PLCB1: variants seen among roughly 807,000 people sequenced by gnomAD.
The protein encoded by PLCB1 is phospholipase C beta 1, also known as 1-phosphatidylinositol 4,5-bisphosphate phosphodiesterase beta-1.
Under a neutral mutation model 161.8 loss-of-function variants are expected in PLCB1, and 46 were observed. That is an observed-to-expected ratio of 0.28 (90% CI 0.22 to 0.36). PLCB1 has a LOEUF of 0.36. Ranked by LOEUF, PLCB1 falls within the 10% of genes least tolerant of loss-of-function variation. The pLI is 1.00. For missense variants in PLCB1, 1,016 were observed against 1,472.5 expected (o/e 0.69, Z 5.07); for synonymous variants, 517 against 503.7 (o/e 1.03, Z -0.35).
chr20:8,327,913 C>T (rs1985221517), intron 2 of PLCB1, among the ~76,000 whole-genome samples: 1 of 151,760 alleles, frequency 6.6e-6, no homozygotes, highest in Non-Finnish European at 1.5e-5. Context: ...TATATACACA[C>T]ACACAAATTA....
At chr20:8,417,068 TA>T (rs1979320564) in intron 3 of PLCB1, among the ~76,000 whole-genome samples, 11 of 106,458 alleles carry the variant, frequency 1.0e-4, no homozygotes, top group South Asian at 3.5e-4. Context: ...TATATATATA[TA>T]TATATTTTTT....
chr20:8,720,702 A>C (rs1600275099), intron 14 of PLCB1, among the ~76,000 whole-genome samples: 1 of 152,142 alleles, frequency 6.6e-6, no homozygotes, highest in Admixed American at 6.6e-5. Flanking sequence ...AAAGAAAGAC[A>C]AATTCTTTCT....
At chr20:8,502,783 A>T (rs1427211258) in intron 3 of PLCB1, among the ~76,000 whole-genome samples, 2 of 152,214 alleles carry the variant, frequency 1.3e-5, no homozygotes, top group Non-Finnish European at 2.9e-5. Flanking sequence ...CCAATTACAG[A>T]TAATAATTTT....
intron 2 of PLCB1, among the ~76,000 whole-genome samples, chr20:8,233,523 AT>A (rs1980175126): frequency 6.6e-6 from 1 of 152,162 alleles, no homozygotes; most frequent in South Asian, 2.1e-4. Context: ...GGTTAAGTTG[AT>A]TATTTTTTTC....
intron 9 of PLCB1, among the ~76,000 whole-genome samples, chr20:8,668,630 A>G (rs1216002304): frequency 2.0e-5 from 3 of 152,162 alleles, no homozygotes; most frequent in African/African-American, 4.8e-5. Flanking sequence ...AAAGCAGCTT[A>G]CAAAAAAATG....
intron 2 of PLCB1, among the ~76,000 whole-genome samples, chr20:8,264,801 A>G (rs1320620582): frequency 1.3e-5 from 2 of 152,142 alleles, no homozygotes; most frequent in South Asian, 2.1e-4. Flanking sequence ...GTGTAAGTCA[A>G]TATTTATTGG....
intron 2 of PLCB1, among the ~76,000 whole-genome samples, chr20:8,258,288 G>A (rs6055699): frequency 0.024 from 3,631 of 152,186 alleles, 132 homozygotes; most frequent in African/African-American, 0.083. Context: ...ATGCCACAAA[G>A]AAAAGAAAGT....
At chr20:8,335,765 A>T (rs1985550467) in intron 2 of PLCB1, among the ~76,000 whole-genome samples, 1 of 152,268 alleles carries the variant, frequency 6.6e-6, no homozygotes. Context: ...CATCTCCAGG[A>T]CATCTGTAAC....
intron 9 of PLCB1, among the ~76,000 whole-genome samples, chr20:8,677,873 T>C (rs1990125253): frequency 6.6e-6 from 1 of 152,200 alleles, no homozygotes. Flanking sequence ...TGGAAGCTAC[T>C]GACCAATGTG....
intron 2 of PLCB1, among the ~76,000 whole-genome samples, chr20:8,316,678 C>A: frequency 6.6e-6 from 1 of 152,048 alleles, no homozygotes; most frequent in East Asian, 1.9e-4. Flanking sequence ...GTTTACTTTT[C>A]CAAGGAATCA....
At chr20:8,719,754 T>G (rs1464791302) in intron 14 of PLCB1, among the ~76,000 whole-genome samples, 1 of 152,288 alleles carries the variant, frequency 6.6e-6, no homozygotes, top group East Asian at 1.9e-4. Flanking sequence ...TGGTGAAAAT[T>G]CTTTGCACTG....
intron 2 of PLCB1, among the ~76,000 whole-genome samples, chr20:8,179,649 G>A (rs886656747): frequency 1.1e-4 from 16 of 152,102 alleles, no homozygotes; most frequent in African/African-American, 3.1e-4. Context: ...TCTCTTGCCC[G>A]ATTGCTCTGG....
chr20:8,312,347 T>C (rs919644659), intron 2 of PLCB1, among the ~76,000 whole-genome samples: 1 of 152,108 alleles, frequency 6.6e-6, no homozygotes, highest in African/African-American at 2.4e-5. Flanking sequence ...CTTTTCATGG[T>C]CCAGAGCTCT....
intron 3 of PLCB1, among the ~76,000 whole-genome samples, chr20:8,601,417 T>C (rs1987582986): frequency 6.6e-6 from 1 of 152,144 alleles, no homozygotes; most frequent in Non-Finnish European, 1.5e-5. Flanking sequence ...TGTTTCCCTC[T>C]ATGTGTCTAT....
At chr20:8,387,890 G>T (rs1302998501) in intron 3 of PLCB1, among the ~76,000 whole-genome samples, 1 of 150,292 alleles carries the variant, frequency 6.7e-6, no homozygotes, top group Non-Finnish European at 1.5e-5. Flanking sequence ...GGTGATGGTT[G>T]CACAACAGTG....
chr20:8,686,481 T>C lies in PLCB1; in HGVS notation c.1009+1403T>C, dbSNP rs754885928. ...AGTCCAAAATACCTTCCAACTGATA[T>C]ATTTATATTCATTACATTCTATTTT... is the stretch of plus-strand genomic sequence containing the variant. On this transcript the variant is annotated intron_variant, in intron 10 of 31. Transcript: ENST00000338037. 5.9e-5 allele frequency among the ~76,000 whole-genome samples: 9 copies of C among 152,234 alleles called. No homozygotes were observed. The East Asian group carries it at 1.2e-3, about 19-fold the overall frequency.
At chr20:8,325,808 G>A (rs998292498) in intron 2 of PLCB1, among the ~76,000 whole-genome samples, 12 of 152,128 alleles carry the variant, frequency 7.9e-5, no homozygotes, top group Admixed American at 7.2e-4. Flanking sequence ...TGATGACAGG[G>A]TTAGGTGGAT....
At chr20:8,845,139 T>TAAAATAAA (rs1185852692) in intron 31 of PLCB1, among the ~76,000 whole-genome samples, 7 of 151,906 alleles carry the variant, frequency 4.6e-5, no homozygotes, top group Non-Finnish European at 7.4e-5. Context: ...TAAAATAAAA[T>TAAAATAAA]AAAGTACTAG....
At chr20:8,538,022 G>C (rs1985122791) in intron 3 of PLCB1, among the ~76,000 whole-genome samples, 1 of 152,106 alleles carries the variant, frequency 6.6e-6, no homozygotes, top group Non-Finnish European at 1.5e-5. Flanking sequence ...CAACAAATTA[G>C]TCAATCAGAA....
Sources: allele counts gnomAD v4.1 joint callset (sites outside exome capture counted in the v4.1 genomes callset), GRCh38; gene constraint gnomAD v4.1.1; transcripts MANE v1.5; gene names NCBI Gene and HGNC (gene_info 2026-07-23, HGNC 2026-07-21).